Variants in PBX3 observed in about 807,000 individuals in gnomAD.
PBX3 encodes PBX homeobox 3.
Under a neutral mutation model 48.5 loss-of-function variants are expected in PBX3, and 14 were observed. That is an observed-to-expected ratio of 0.29 (90% CI 0.19 to 0.45). The LOEUF is 0.45. Among genes scored for constraint, PBX3 ranks in the 20% least tolerant of loss-of-function variants. The probability of loss-of-function intolerance (pLI) is 1.00; values close to 1 mark genes in which losing one functional copy is unlikely to be tolerated. For synonymous variants in PBX3, 210 were observed against 200.3 expected (o/e 1.05, Z -0.41); for missense variants, 386 against 546.7 (o/e 0.71, Z 2.93).
At chr9:125,929,176 T>G (rs1345248693) in intron 3 of PBX3, among the ~76,000 whole-genome samples, 2 of 152,220 alleles carry the variant, frequency 1.3e-5, no homozygotes, top group Non-Finnish European at 2.9e-5. Flanking sequence ...TGAATTAGTT[T>G]TTTATACATT....
At chr9:125,962,909 A>G in intron 7 of PBX3, 103 bp from the exon 8 acceptor site, 1 of 480,762 alleles carries the variant, frequency 2.1e-6, no homozygotes, top group Non-Finnish European at 3.7e-6. Flanking sequence ...TTCATTGAAG[A>G]TGTTAAACCC....
chr9:125,901,829 T>A (rs1267820961), intron 2 of PBX3, among the ~76,000 whole-genome samples: 1 of 151,746 alleles, frequency 6.6e-6, no homozygotes, highest in Non-Finnish European at 1.5e-5. Flanking sequence ...TTATTTTAGT[T>A]GTCTCATCCT....
intron 2 of PBX3, among the ~76,000 whole-genome samples, chr9:125,786,369 A>G (rs1290109733): frequency 6.6e-6 from 1 of 152,232 alleles, no homozygotes; most frequent in Non-Finnish European, 1.5e-5. Flanking sequence ...CACAAAGTAC[A>G]AGGAAAACCA....
chr9:125,960,962 G>A, intron 6 of PBX3, 113 bp downstream of exon 6: 1 of 494,596 alleles, frequency 2.0e-6, no homozygotes, highest in East Asian at 4.4e-5. Flanking sequence ...ACTTAAAAAG[G>A]AAGATTTATG....
At chr9:125,766,300 G>A (rs900005132) in intron 2 of PBX3, among the ~76,000 whole-genome samples, 1 of 151,864 alleles carries the variant, frequency 6.6e-6, no homozygotes, top group Non-Finnish European at 1.5e-5. Context: ...AACTGCCATA[G>A]CTACCTACCT....
At chr9:125,799,792 T>A (rs1201151595) in intron 2 of PBX3, among the ~76,000 whole-genome samples, 1 of 152,210 alleles carries the variant, frequency 6.6e-6, no homozygotes, top group Admixed American at 6.5e-5. Flanking sequence ...GGTAATTTTC[T>A]ATGTGTTTAT....
chr9:125,938,504 G>A (rs1841887048), intron 5 of PBX3, among the ~76,000 whole-genome samples: 1 of 152,084 alleles, frequency 6.6e-6, no homozygotes, highest in South Asian at 2.1e-4. Context: ...GGAGAAATGG[G>A]ACAAAAACTT....
intron 2 of PBX3, among the ~76,000 whole-genome samples, chr9:125,762,146 C>T (rs1369482024): frequency 1.3e-5 from 2 of 152,100 alleles, no homozygotes; most frequent in Non-Finnish European, 2.9e-5. Flanking sequence ...TGCTACTTTA[C>T]GTACATTGTT....
At chr9:125,784,875 A>G (rs1837419215) in intron 2 of PBX3, among the ~76,000 whole-genome samples, 1 of 152,154 alleles carries the variant, frequency 6.6e-6, no homozygotes, top group South Asian at 2.1e-4. Context: ...CAGCCACAGT[A>G]TTCTTGGGTC....
At chr9:125,901,919 C>G (rs983156993) in intron 2 of PBX3, among the ~76,000 whole-genome samples, 2 of 151,724 alleles carry the variant, frequency 1.3e-5, no homozygotes, top group African/African-American at 4.8e-5. Context: ...TCTGACAGGA[C>G]CTTGCCTAGA....
chr9:125,779,094 C>CT (rs1837161649), intron 2 of PBX3, among the ~76,000 whole-genome samples: 1 of 134,286 alleles, frequency 7.4e-6, no homozygotes, highest in South Asian at 2.6e-4. Context: ...ACCCCTAGCC[C>CT]TTGGTAACCT....
chr9:125,893,966 T>TA (rs959359625), intron 2 of PBX3, among the ~76,000 whole-genome samples: 196 of 145,978 alleles, frequency 1.3e-3, no homozygotes, highest in Middle Eastern at 3.5e-3. Context: ...CTCCTCAGAT[T>TA]AAAAAAAAAA....
intron 2 of PBX3, among the ~76,000 whole-genome samples, chr9:125,907,266 T>A (rs1287758856): frequency 1.3e-5 from 2 of 152,038 alleles, no homozygotes; most frequent in Non-Finnish European, 2.9e-5. Flanking sequence ...TAAATAAATT[T>A]TGATATATAA....
intron 5 of PBX3, among the ~76,000 whole-genome samples, chr9:125,942,058 A>G (rs1036849993): frequency 6.6e-6 from 1 of 152,238 alleles, no homozygotes; most frequent in Non-Finnish European, 1.5e-5. Flanking sequence ...TAGAGCTCTT[A>G]AAGAGGCAAA....
At chr9:125,846,027 TA>T in intron 2 of PBX3, among the ~76,000 whole-genome samples, 1 of 152,206 alleles carries the variant, frequency 6.6e-6, no homozygotes, top group East Asian at 1.9e-4. Flanking sequence ...GTAAAGTTTG[TA>T]AAAAATAAAG....
intron 2 of PBX3, among the ~76,000 whole-genome samples, chr9:125,806,696 G>C (rs970034561): frequency 6.6e-6 from 1 of 152,172 alleles, no homozygotes; most frequent in East Asian, 1.9e-4. Flanking sequence ...CAGTCATATG[G>C]GGGGAAATTG....
chr9:125,835,964 A>G (rs1839121827), intron 2 of PBX3, among the ~76,000 whole-genome samples: 1 of 152,246 alleles, frequency 6.6e-6, no homozygotes, highest in Non-Finnish European at 1.5e-5. Flanking sequence ...TCAGTGGATG[A>G]ATGGATAAAG....
At chr9:125,798,714 C>T (rs1837854626) in intron 2 of PBX3, among the ~76,000 whole-genome samples, 1 of 151,920 alleles carries the variant, frequency 6.6e-6, no homozygotes, top group South Asian at 2.1e-4. Context: ...TTATGTCTTC[C>T]TGGTAACACA....
intron 2 of PBX3, among the ~76,000 whole-genome samples, chr9:125,822,125 C>T (rs1463056348): frequency 3.3e-5 from 5 of 151,752 alleles, no homozygotes; most frequent in South Asian, 2.1e-4. Context: ...TTAAACTGTG[C>T]TATGAAGAAT....
Sources: gnomAD v4.1 joint callset for allele counts (sites outside exome capture counted in the v4.1 genomes callset) on GRCh38, gnomAD v4.1.1 for gene constraint, MANE v1.5 for transcripts, NCBI Gene and HGNC (gene_info 2026-07-23, HGNC 2026-07-21) for gene names.